MAGI1: variants seen among roughly 807,000 people sequenced by gnomAD.
MAGI1 encodes membrane-associated guanylate kinase, WW and PDZ domain-containing protein 1.
A neutral mutation model predicts 139.9 loss-of-function variants in MAGI1; 58 were observed. That is an observed-to-expected ratio of 0.41 (90% confidence interval 0.34 to 0.52). The LOEUF is 0.52. MAGI1 is among the 20% of genes least tolerant of loss of function. MAGI1 has a pLI of 0.12. For synonymous variants in MAGI1, 812 were observed against 737.9 expected (o/e 1.10, Z -1.63); for missense variants, 1,874 against 1,901.6 (o/e 0.99, Z 0.27).
chr3:65,986,049 G>C (rs1045570600), intron 1 of MAGI1, among the ~76,000 whole-genome samples: 1 of 152,178 alleles, frequency 6.6e-6, no homozygotes, highest in African/African-American at 2.4e-5. Flanking sequence ...AGGGTAAAAG[G>C]GTATAGGATA....
At chr3:65,821,164 T>C (rs2041930087) in intron 1 of MAGI1, among the ~76,000 whole-genome samples, 1 of 152,116 alleles carries the variant, frequency 6.6e-6, no homozygotes, top group African/African-American at 2.4e-5. Flanking sequence ...ACCTTTGCAT[T>C]GGAATCTTAG....
rs76000279 is a variant in MAGI1, at chr3:65,802,370, G to A, written c.314-180282C>T. On this transcript the variant is annotated intron_variant, in intron 1 of 22. Transcript: ENST00000402939. Reference sequence around the variant, plus strand: ...GATGGGGGAGACAAGGAAGATGGAGGCAACTCTCCATTCCTCCTTGGGGTT... The same window carrying A: ...GATGGGGGAGACAAGGAAGATGGAGACAACTCTCCATTCCTCCTTGGGGTT... 5.8e-3 allele frequency among the ~76,000 whole-genome samples: 880 copies of A among 152,206 alleles called. 6 individuals are homozygous for A. The highest frequency in any genetic ancestry group is 0.02 in the African/African-American group (836 of 41,528).
At chr3:65,510,251 C>T (rs1000276498) in intron 2 of MAGI1, among the ~76,000 whole-genome samples, 3 of 152,236 alleles carry the variant, frequency 2.0e-5, no homozygotes, top group Non-Finnish European at 2.9e-5. Context: ...GAGCGCCTCT[C>T]CTCCTCCAAA....
At chr3:65,955,236 T>C (rs1426470966) in intron 1 of MAGI1, among the ~76,000 whole-genome samples, 1 of 152,230 alleles carries the variant, frequency 6.6e-6, no homozygotes, top group South Asian at 2.1e-4. Context: ...CCAGGTGTGG[T>C]GGCTGACGCC....
At chr3:65,552,259 G>GTGGGT (rs2079871731) in intron 2 of MAGI1, among the ~76,000 whole-genome samples, 23 of 147,938 alleles carry the variant, frequency 1.6e-4, no homozygotes, top group Non-Finnish European at 3.1e-4. Context: ...TGTGTATAGG[G>GTGGGT]GTGTGTGTGT....
chr3:66,012,547 C>CTTGAGACCAGGAGT (rs1486182720), intron 1 of MAGI1, among the ~76,000 whole-genome samples: 1 of 152,100 alleles, frequency 6.6e-6, no homozygotes, highest in Non-Finnish European at 1.5e-5. Context: ...GAGTGGATCA[C>CTTGAGACCAGGAGT]TTGAGACCAG....
intron 13 of MAGI1, among the ~76,000 whole-genome samples, chr3:65,394,851 T>A (rs1347560097): frequency 6.6e-6 from 1 of 152,184 alleles, no homozygotes; most frequent in Admixed American, 6.5e-5. Context: ...ACTAGGGGCA[T>A]GAGAATACGT....
intron 2 of MAGI1, among the ~76,000 whole-genome samples, chr3:65,612,094 G>C (rs1342238578): frequency 6.6e-6 from 1 of 151,948 alleles, no homozygotes; most frequent in East Asian, 1.9e-4. Flanking sequence ...CTCAATTCTA[G>C]ACTAAAAACA....
intron 1 of MAGI1, among the ~76,000 whole-genome samples, chr3:66,001,560 T>C (rs1478178098): frequency 6.6e-6 from 1 of 151,730 alleles, no homozygotes. Context: ...GCAGGTCCGA[T>C]AATTATCCCT....
At chr3:65,975,463 G>C (rs1456442326) in intron 1 of MAGI1, among the ~76,000 whole-genome samples, 1 of 152,018 alleles carries the variant, frequency 6.6e-6, no homozygotes, top group Non-Finnish European at 1.5e-5. Context: ...TGAATTGAAA[G>C]ATGGTTTTTA....
chr3:65,489,116 C>G (rs1030493653), intron 3 of MAGI1, among the ~76,000 whole-genome samples: 12 of 152,156 alleles, frequency 7.9e-5, no homozygotes, highest in Non-Finnish European at 1.8e-4. Flanking sequence ...TTCTGGGCCT[C>G]ATACTCCTCT....
chr3:65,979,094 C>CG lies in MAGI1; in HGVS notation c.313+58901_313+58902insC, dbSNP rs1203989785. On this transcript the variant is annotated intron_variant, in intron 1 of 22. Transcript: ENST00000402939. ...CAAAGTTTTTTTCTTTTCTTCCCCC[C>CG]CCCCGCCACCCCCCACAGCTACTCA... Among the ~76,000 whole-genome samples the CG allele has an allele frequency of 3.0e-3, 160 of 53,056 alleles. 8 individuals are homozygous for CG. The highest frequency in any genetic ancestry group is 7.3e-3 in the African/African-American group (145 of 19,778). The allele number at this position is 53,056 out of a possible 152,430, so 34.8% of individuals were successfully genotyped here. A position where few individuals can be genotyped will look rare whatever the true frequency, so the allele number is the denominator to read the frequency against.
At position 65,536,510 on chromosome 3, in the gene MAGI1, C is replaced by A. The variant is rs148221295; in HGVS notation, c.431-42879G>T. ...AGGAATAAAAAAAGGATTCCAGGGT[C>A]TTTTCAAAGGAGCTAATACGGTAGG... On this transcript the variant is annotated intron_variant, in intron 2 of 22. Coordinates refer to ENST00000402939, the MANE Select transcript of MAGI1 (RefSeq NM_001033057.2). Among the ~76,000 whole-genome samples the A allele has an allele frequency of 1.2e-3, 185 of 152,210 alleles. 1 individual carries two copies. Among genetic ancestry groups the A allele is most frequent in the African/African-American group, 4.4e-3 (181 of 41,546 alleles).
At chr3:65,752,831 A>AT (rs1324136580) in intron 1 of MAGI1, among the ~76,000 whole-genome samples, 1 of 152,196 alleles carries the variant, frequency 6.6e-6, no homozygotes, top group Non-Finnish European at 1.5e-5. Context: ...TTCAGCAAGA[A>AT]TCCTGTTAGG....
chr3:65,359,933 G>C, intron 22 of MAGI1: 1 of 985,368 alleles, frequency 1.0e-6, no homozygotes, highest in Non-Finnish European at 1.2e-6. Flanking sequence ...AGTTTCAGTG[G>C]TATCAATACA....
chr3:65,499,066 A>G (rs2076982929), intron 2 of MAGI1: 2 of 981,630 alleles, frequency 2.0e-6, no homozygotes, highest in Non-Finnish European at 2.4e-6. Context: ...CTCTTAAAAA[A>G]AAAAAAACAA....
chr3:65,753,907 C>T (rs2036360527), intron 1 of MAGI1, among the ~76,000 whole-genome samples: 1 of 152,090 alleles, frequency 6.6e-6, no homozygotes, highest in South Asian at 2.1e-4. Context: ...AACCACCTAA[C>T]TTTCGGATCA....
At chr3:65,415,877 C>T (rs1436261808) in intron 12 of MAGI1, among the ~76,000 whole-genome samples, 1 of 152,144 alleles carries the variant, frequency 6.6e-6, no homozygotes, top group Non-Finnish European at 1.5e-5. Context: ...CCTTCTCTTC[C>T]TCCTTTAGTT....
intron 1 of MAGI1, among the ~76,000 whole-genome samples, chr3:65,789,768 T>G (rs1297611660): frequency 6.6e-6 from 1 of 152,160 alleles, no homozygotes; most frequent in African/African-American, 2.4e-5. Context: ...GTGGGGTTTA[T>G]GGAGGACTCC....
Sources: allele counts gnomAD v4.1 joint callset (sites outside exome capture counted in the v4.1 genomes callset), GRCh38; gene constraint gnomAD v4.1.1; transcripts MANE v1.5; gene names NCBI Gene and HGNC (gene_info 2026-07-23, HGNC 2026-07-21).